The following XPO6 variants were observed in gnomAD, a reference collection of about 807,000 sequenced individuals.
The protein encoded by XPO6 is exportin 6, also known as exportin-6.
XPO6 carries 3 observed loss-of-function variants against 130.0 expected under a neutral mutation model. The observed-to-expected ratio is 0.02, with a 90% CI of 0.01 to 0.06. The LOEUF is 0.06. Ranked by LOEUF, XPO6 falls within the 10% of genes least tolerant of loss-of-function variation. The pLI is 1.00. For missense variants in XPO6, 970 were observed against 1,393.0 expected (o/e 0.70, Z 4.83); for synonymous variants, 524 against 548.9 (o/e 0.95, Z 0.63).
At chr16:28,163,232 T>C (rs924087597) in intron 6 of XPO6, among the ~76,000 whole-genome samples, 6 of 152,216 alleles carry the variant, frequency 3.9e-5, no homozygotes, top group African/African-American at 1.4e-4. Flanking sequence ...CCCACCTTTC[T>C]ATAGGTAGTA....
At chr16:28,102,307 C>T (rs897036684) in intron 21 of XPO6, among the ~76,000 whole-genome samples, 6 of 152,190 alleles carry the variant, frequency 3.9e-5, no homozygotes, top group African/African-American at 1.4e-4. Context: ...CCTCCCTTGC[C>T]CTCCTTCTTG....
intron 1 of XPO6, among the ~76,000 whole-genome samples, chr16:28,194,761 C>T (rs2043833199): frequency 6.6e-6 from 1 of 152,060 alleles, no homozygotes. Context: ...CACCTGCAAG[C>T]CCCATCACCA....
chr16:28,169,618 G>C, intron 5 of XPO6, 132 bp downstream of exon 5: 1 of 1,151,912 alleles, frequency 8.7e-7, no homozygotes, highest in Non-Finnish European at 1.2e-6. Flanking sequence ...TAGGTGTTGG[G>C]AACGCAGCTT....
At chr16:28,169,978 T>G in intron 4 of XPO6, 69 bp from the exon 5 acceptor site, 1 of 1,561,780 alleles carries the variant, frequency 6.4e-7, no homozygotes, top group Non-Finnish European at 8.7e-7. Context: ...TCAGTAGCAT[T>G]AAAGCTATGA....
chr16:28,124,493 G>C (rs1363029341), intron 13 of XPO6, among the ~76,000 whole-genome samples: 1 of 152,180 alleles, frequency 6.6e-6, no homozygotes. Flanking sequence ...ACAAGAAGAG[G>C]AGGAGGAACG....
intron 1 of XPO6, among the ~76,000 whole-genome samples, chr16:28,200,634 C>G (rs1567651701): frequency 6.6e-6 from 1 of 152,052 alleles, no homozygotes; most frequent in South Asian, 2.1e-4. Context: ...AAAACATGGG[C>G]CTTGGAGTTG....
intron 6 of XPO6, among the ~76,000 whole-genome samples, chr16:28,162,729 T>C (rs2043296337): frequency 6.6e-6 from 1 of 151,434 alleles, no homozygotes; most frequent in Non-Finnish European, 1.5e-5. Context: ...TGCCCAGATA[T>C]ATATATATTA....
intron 7 of XPO6, chr16:28,155,630 G>C (rs1287948966): frequency 6.0e-6 from 1 of 165,690 alleles, no homozygotes; most frequent in Non-Finnish European, 1.3e-5. Context: ...AATACTGCAG[G>C]ATGTTCACTT....
At chr16:28,193,272 C>CTGCT (rs2043812097) in intron 1 of XPO6, among the ~76,000 whole-genome samples, 1 of 152,120 alleles carries the variant, frequency 6.6e-6, no homozygotes, top group Admixed American at 6.5e-5. Flanking sequence ...GGGGTGGCAG[C>CTGCT]TGCTGGGGGA....
At chr16:28,163,991 T>G (rs2043317725) in intron 6 of XPO6, among the ~76,000 whole-genome samples, 1 of 152,204 alleles carries the variant, frequency 6.6e-6, no homozygotes, top group Non-Finnish European at 1.5e-5. Flanking sequence ...GGAACTATGC[T>G]GAGAAATAAA....
rs2086793741 is a variant in XPO6 at position 28,106,821 on chromosome 16, T to C, written c.2498-324A>G. ...AGGGATCACTTTGTGCCCACACTGA[T>C]GAATGCCAACTGGGTCAACACCTGA... On this transcript the variant is annotated intron_variant, in intron 18 of 23. Transcript: ENST00000304658. The surrounding 1 kb of genome is among the most constrained non-coding windows in gnomAD (Gnocchi z 4.2). Among the ~76,000 whole-genome samples the C allele has an allele frequency of 6.6e-6, 1 of 152,212 alleles. No individual in the cohort carries two copies. Among genetic ancestry groups the C allele is most frequent in the Non-Finnish European group, 1.5e-5 (1 of 68,024 alleles).
intron 12 of XPO6, 88 bp from the exon 13 acceptor site, chr16:28,125,936 G>C: frequency 6.7e-7 from 1 of 1,496,528 alleles, no homozygotes; most frequent in Non-Finnish European, 9.0e-7. Flanking sequence ...GCCACACACA[G>C]CAAAACCAGC....
intron 16 of XPO6, 50 bp downstream of exon 16, chr16:28,112,854 G>A (rs772337254): frequency 6.3e-7 from 1 of 1,575,222 alleles, no homozygotes; most frequent in Admixed American, 1.8e-5. Flanking sequence ...AGCTTCCTTG[G>A]GTCTCAGTCA....
At position 28,098,362 on chromosome 16, in the gene XPO6, G is replaced by A. The variant is rs964637215; in HGVS notation, c.*176C>T. 5.1e-6 allele frequency: 3 copies of A among 585,714 alleles called. No individual in the cohort carries two copies. Among genetic ancestry groups the A allele is most frequent in the Non-Finnish European group, 9.0e-6 (3 of 332,958 alleles). 36.3% of individuals were successfully genotyped at this position (585,714 alleles called of 1,614,324 possible). A position where few individuals can be genotyped will look rare whatever the true frequency, so the allele number is the denominator to read the frequency against. On this transcript the variant is annotated 3_prime_UTR_variant, in exon 24 of 24. Transcript: ENST00000304658. ...GTCCAGTGCTCAGGTGGACCCAGAA[G>A]CCAGCTCTGCTGGGCAGCGGCAAGA...
At chr16:28,163,558 G>C (rs956867729) in intron 6 of XPO6, among the ~76,000 whole-genome samples, 2 of 152,200 alleles carry the variant, frequency 1.3e-5, no homozygotes, top group African/African-American at 4.8e-5. Flanking sequence ...AGGAAGATGA[G>C]GCTGCTCAAG....
intron 1 of XPO6, among the ~76,000 whole-genome samples, chr16:28,204,463 G>A (rs1218951835): frequency 1.3e-5 from 2 of 151,942 alleles, no homozygotes; most frequent in Non-Finnish European, 2.9e-5. Context: ...CCTGGAGCAG[G>A]AACATGCCCA....
At chr16:28,153,786 C>T in intron 7 of XPO6, 3 of 985,328 alleles carry the variant, frequency 3.0e-6, no homozygotes, top group Non-Finnish European at 3.6e-6. Context: ...AATTCTGAAG[C>T]TCATTACTGC....
At chr16:28,175,261 T>G (rs1489555125) in intron 4 of XPO6, among the ~76,000 whole-genome samples, 1 of 151,956 alleles carries the variant, frequency 6.6e-6, no homozygotes, top group East Asian at 1.9e-4. Flanking sequence ...CCTGCCTCTT[T>G]CCCTCTCACC....
At chr16:28,176,654 C>T (rs1427420303) in intron 3 of XPO6, among the ~76,000 whole-genome samples, 3 of 151,610 alleles carry the variant, frequency 2.0e-5, no homozygotes, top group Non-Finnish European at 2.9e-5. Context: ...CCCGCCACCA[C>T]GCCCGGCTAA....
Sources: allele counts gnomAD v4.1 joint callset (sites outside exome capture counted in the v4.1 genomes callset), GRCh38; gene constraint gnomAD v4.1.1; non-coding constraint Gnocchi (gnomAD v3.1); transcripts MANE v1.5; gene names NCBI Gene and HGNC (gene_info 2026-07-23, HGNC 2026-07-21).